The following SMAD3 variants were observed in gnomAD, a reference collection of about 807,000 sequenced individuals.
SMAD3 encodes SMAD family member 3, also known as MAD homolog 3.
In SMAD3, 12 loss-of-function variants were observed where a neutral mutation model predicts 51.8. The observed-to-expected ratio is 0.23, with a 90% CI of 0.15 to 0.38. SMAD3 has a LOEUF of 0.38. SMAD3 is among the 10% of genes least tolerant of loss of function. SMAD3 has a pLI of 1.00. For missense variants in SMAD3, 294 were observed against 565.6 expected (o/e 0.52, Z 4.87); for synonymous variants, 238 against 227.7 (o/e 1.05, Z -0.41).
At chr15:67,113,423 A>G (rs775932928) in intron 1 of SMAD3, among the ~76,000 whole-genome samples, 5 of 152,130 alleles carry the variant, frequency 3.3e-5, no homozygotes, top group African/African-American at 4.8e-5. Context: ...ACATTGTTCA[A>G]AAAAAGAATC....
chr15:67,147,767 C>G (rs976835741), intron 1 of SMAD3, among the ~76,000 whole-genome samples: 3 of 152,168 alleles, frequency 2.0e-5, no homozygotes, highest in African/African-American at 7.2e-5. Flanking sequence ...AATTCTGCAG[C>G]CTCCCTCACC....
chr15:67,128,766 A>T lies in SMAD3; in HGVS notation c.207-36129A>T, dbSNP rs566533996. Reference sequence around the variant, plus strand: ...TTTAAATATATTTTTTAGTAGAGTGAACCTCGCCATTTTGCCAAGCCTGGT... The same window carrying T: ...TTTAAATATATTTTTTAGTAGAGTGTACCTCGCCATTTTGCCAAGCCTGGT... On this transcript the variant is annotated intron_variant, in intron 1 of 8. Transcript: ENST00000327367. Among the ~76,000 whole-genome samples the T allele has an allele frequency of 2.6e-5, 4 of 152,130 alleles. No individual in the cohort carries two copies. The East Asian group carries it at 5.8e-4, about 22-fold the overall frequency.
At chr15:67,137,462 T>C (rs375993518) in intron 1 of SMAD3, among the ~76,000 whole-genome samples, 8 of 152,254 alleles carry the variant, frequency 5.3e-5, no homozygotes, top group African/African-American at 1.9e-4. Context: ...TTAGTACTCA[T>C]GTTAGCTTCT....
rs1961724585 is a variant in SMAD3 at position 67,138,353 on chromosome 15, C to T, written c.207-26542C>T. ...TGCTCCCCTCCCCTGAACCCCCCCT[C>T]CCCCGGCCCCAGGATGGAGCTTGCT... On this transcript the variant is annotated intron_variant, in intron 1 of 8. Transcript: ENST00000327367. 25 of 461,272 alleles carry T rather than the reference C, an allele frequency of 5.4e-5. 1 individual carries two copies. In the South Asian group the frequency reaches 5.9e-4, roughly 11 times the overall value. The allele number at this position is 461,272 out of a possible 1,614,324, so 28.6% of individuals were successfully genotyped here.
intron 1 of SMAD3, among the ~76,000 whole-genome samples, chr15:67,143,851 C>T (rs955177056): frequency 2.0e-5 from 3 of 152,084 alleles, no homozygotes; most frequent in Non-Finnish European, 4.4e-5. Flanking sequence ...TGATCTGCAA[C>T]CTCCGCCTCC....
chr15:67,181,796 T>A (rs1963068893), intron 6 of SMAD3, among the ~76,000 whole-genome samples: 1 of 151,906 alleles, frequency 6.6e-6, no homozygotes, highest in Admixed American at 6.5e-5. Context: ...TCTATTTTTT[T>A]TTTTTTTTTG....
intron 1 of SMAD3, among the ~76,000 whole-genome samples, chr15:67,163,717 C>T (rs927683595): frequency 6.6e-6 from 1 of 152,106 alleles, no homozygotes; most frequent in Non-Finnish European, 1.5e-5. Flanking sequence ...GAGGTAAGGG[C>T]ACCGGGTCAT....
At chr15:67,070,732 A>T (rs1170557782) in intron 1 of SMAD3, among the ~76,000 whole-genome samples, 1 of 151,364 alleles carries the variant, frequency 6.6e-6, no homozygotes, top group Non-Finnish European at 1.5e-5. Context: ...TGTAGAATTC[A>T]CTATGTTAGG....
chr15:67,066,103 G>T lies in SMAD3; in HGVS notation c.-52G>T. On this transcript the variant is annotated 5_prime_UTR_variant, in exon 1 of 9. Coordinates refer to ENST00000327367, the MANE Select transcript of SMAD3 (RefSeq NM_005902.4). ...CCCTCTGCGCCCCCGGCGTCCCGTC[G>T]AGCCCAGCCCCGCCGGGGGCGCTCC... 6.8e-7 allele frequency: 1 copy of T among 1,463,052 alleles called. No homozygotes were observed. The highest frequency in any genetic ancestry group is 2.0e-5 in the Admixed American group (1 of 49,984). 90.6% of individuals were successfully genotyped at this position (1,463,052 alleles called of 1,614,324 possible). A position where few individuals can be genotyped will look rare whatever the true frequency, so the allele number is the denominator to read the frequency against.
At chr15:67,096,408 A>G (rs1227156107) in intron 1 of SMAD3, among the ~76,000 whole-genome samples, 2 of 152,246 alleles carry the variant, frequency 1.3e-5, no homozygotes, top group East Asian at 3.8e-4. Context: ...CAATTCATGT[A>G]ATGTTGGTGA....
In SMAD3 at chr15:67,194,468, T is replaced by C. The variant is rs955908103; in HGVS notation, c.*3932T>C. On this transcript the variant is annotated 3_prime_UTR_variant, in exon 9 of 9. Coordinates refer to ENST00000327367, the MANE Select transcript of SMAD3 (RefSeq NM_005902.4). The stretch of plus-strand genomic sequence containing the variant: ...AGAAACTTGCCTCATGTAAACTGGA[T>C]TGAGAAATTCTCAGTGATTCTGCAA... 10 of 233,254 alleles carry C rather than the reference T, an allele frequency of 4.3e-5. No individual in the cohort carries two copies. Among genetic ancestry groups the C allele is most frequent in the Non-Finnish European group, 7.6e-5 (9 of 118,012 alleles). The allele number at this position is 233,254 out of a possible 1,614,324, so 14.4% of individuals were successfully genotyped here. A position where few individuals can be genotyped will look rare whatever the true frequency, so the allele number is the denominator to read the frequency against.
intron 1 of SMAD3, among the ~76,000 whole-genome samples, chr15:67,074,856 A>G (rs1157562796): frequency 1.3e-5 from 2 of 152,060 alleles, no homozygotes; most frequent in African/African-American, 2.4e-5. Flanking sequence ...TGCCCAGCTA[A>G]TTTTTGTATT....
In SMAD3 at chr15:67,066,089, C is replaced by T. The variant is rs1959906667; in HGVS notation, c.-66C>T. 23 of 1,300,438 alleles carry T rather than the reference C, an allele frequency of 1.8e-5. No homozygotes were observed. The highest frequency in any genetic ancestry group is 2.6e-5 in the South Asian group (2 of 76,338). The allele number at this position is 1,300,438 out of a possible 1,614,324, so 80.6% of individuals were successfully genotyped here. On this transcript the variant is annotated 5_prime_UTR_variant, in exon 1 of 9. Coordinates refer to ENST00000327367, the MANE Select transcript of SMAD3 (RefSeq NM_005902.4). Reference sequence around the variant, plus strand: ...CCCCGGCCGAGCTCCCCTCTGCGCCCCCGGCGTCCCGTCGAGCCCAGCCCC... The same window carrying T: ...CCCCGGCCGAGCTCCCCTCTGCGCCTCCGGCGTCCCGTCGAGCCCAGCCCC...
intron 1 of SMAD3, among the ~76,000 whole-genome samples, chr15:67,121,158 G>C (rs1961252564): frequency 6.6e-6 from 1 of 152,218 alleles, no homozygotes; most frequent in African/African-American, 2.4e-5. Context: ...CCCCCGCCCT[G>C]TCCTGGCTGA....
At chr15:67,129,797 A>G (rs562741746) in intron 1 of SMAD3, among the ~76,000 whole-genome samples, 24 of 152,344 alleles carry the variant, frequency 1.6e-4, no homozygotes, top group Middle Eastern at 3.4e-3. Context: ...TTAACGAGCT[A>G]TATTACATTC....
chr15:67,150,845 G>GTTTTTTTT (rs1342434861), intron 1 of SMAD3, among the ~76,000 whole-genome samples: 8 of 14,392 alleles, frequency 5.6e-4, no homozygotes, highest in Admixed American at 1.2e-3. Flanking sequence ...CTATTTCTCA[G>GTTTTTTTT]TCTTTTTTTT....
chr15:67,183,023 ATATATATATTTTT>A (rs1197602636), intron 6 of SMAD3, among the ~76,000 whole-genome samples: 12 of 72,964 alleles, frequency 1.6e-4, no homozygotes, highest in East Asian at 1.6e-3. Context: ...ATATATATAT[ATATATATATTTTT>A]TTTTTTTTTT....
intron 6 of SMAD3, among the ~76,000 whole-genome samples, chr15:67,183,000 A>T (rs10152576): frequency 0.11 from 4,615 of 43,152 alleles, 315 homozygotes; most frequent in Non-Finnish European, 0.12. Flanking sequence ...AAAAAAAAAA[A>T]ATATATATAT....
intron 5 of SMAD3, among the ~76,000 whole-genome samples, chr15:67,173,209 T>C (rs72743481): frequency 0.21 from 32,019 of 151,642 alleles, 4,208 homozygotes; most frequent in Non-Finnish European, 0.31. Context: ...TATGTACTGA[T>C]GCTGGGGGCC....
Sources: gnomAD v4.1 joint callset for allele counts (sites outside exome capture counted in the v4.1 genomes callset) on GRCh38, gnomAD v4.1.1 for gene constraint, MANE v1.5 for transcripts, NCBI Gene and HGNC (gene_info 2026-07-23, HGNC 2026-07-21) for gene names.